FAM193A: variants seen among roughly 807,000 people sequenced by gnomAD.
FAM193A encodes family with sequence similarity 193 member A.
A neutral mutation model predicts 126.5 loss-of-function variants in FAM193A; 22 were observed. The observed-to-expected ratio is 0.17, with a 90% CI of 0.12 to 0.25. The LOEUF (loss-of-function observed/expected upper bound fraction) is 0.25, where lower values mean the gene tolerates loss of function less well. Among genes scored for constraint, FAM193A ranks in the 10% least tolerant of loss-of-function variants. The pLI, the probability that FAM193A is intolerant of heterozygous loss-of-function variation, is 1.00. For synonymous variants in FAM193A, 761 were observed against 646.8 expected (o/e 1.18, Z -2.68); for missense variants, 1,675 against 1,672.8 (o/e 1.00, Z -0.02).
At chr4:2,693,907 A>G (rs1252372172) in intron 16 of FAM193A, 33 bp downstream of exon 16, 2 of 1,593,184 alleles carry the variant, frequency 1.3e-6, no homozygotes, top group East Asian at 2.2e-5. Context: ...ACGTGGGAGC[A>G]CTTTGGAAAA....
intron 13 of FAM193A, among the ~76,000 whole-genome samples, chr4:2,687,940 C>T (rs1334999033): frequency 6.6e-6 from 1 of 152,216 alleles, no homozygotes; most frequent in Non-Finnish European, 1.5e-5. Flanking sequence ...TTCCTGTCCT[C>T]CCTCTGCCCC....
chr4:2,588,088 C>G (rs1332581638), intron 1 of FAM193A, among the ~76,000 whole-genome samples: 1 of 152,212 alleles, frequency 6.6e-6, no homozygotes, highest in Non-Finnish European at 1.5e-5. Context: ...ACACCACCCT[C>G]AGCAGTCTGT....
chr4:2,659,768 T>G (rs1192296824), intron 9 of FAM193A, 44 bp from the exon 10 acceptor site: 16 of 1,614,082 alleles, frequency 9.9e-6, no homozygotes, highest in African/African-American at 1.3e-5. Flanking sequence ...TGGTCTAGTC[T>G]TGTGCATTGG....
In FAM193A at chr4:2,725,961, C is replaced by T. The variant is rs1221365504; in HGVS notation, c.4455-5814C>T. The stretch of plus-strand genomic sequence containing the variant: ...GCGCCCAGGCTGGAGTGCAGTGGCG[C>T]GATTTCGGCTCACTGCAAGCTCCGC... On this transcript the variant is annotated intron_variant, in intron 20 of 20. Coordinates refer to ENST00000637812, the MANE Select transcript of FAM193A (RefSeq NM_001366318.2). Among the ~76,000 whole-genome samples, 6 of 151,996 alleles carry T rather than the reference C, an allele frequency of 3.9e-5. No individual in the cohort carries two copies. The East Asian group carries it at 5.8e-4, about 15-fold the overall frequency.
At chr4:2,656,148 TG>T (rs1276074183) in intron 7 of FAM193A, among the ~76,000 whole-genome samples, 2 of 152,166 alleles carry the variant, frequency 1.3e-5, no homozygotes, top group Non-Finnish European at 2.9e-5. Context: ...AGGTCTTACT[TG>T]TTTTGTATAA....
At chr4:2,654,984 G>A (rs1560527319) in intron 7 of FAM193A, 4 of 559,488 alleles carry the variant, frequency 7.1e-6, no homozygotes, top group East Asian at 2.9e-5. Flanking sequence ...AGGAAATCAC[G>A]GTATCTTCTA....
At chr4:2,549,489 C>T (rs1186524897) in intron 1 of FAM193A, among the ~76,000 whole-genome samples, 6 of 141,466 alleles carry the variant, frequency 4.2e-5, no homozygotes, top group East Asian at 4.1e-4. Context: ...CTCCGCCTCC[C>T]GGGTTCACGC....
At chr4:2,569,610 G>C (rs374258147) in intron 1 of FAM193A, among the ~76,000 whole-genome samples, 18 of 152,082 alleles carry the variant, frequency 1.2e-4, no homozygotes, top group Non-Finnish European at 2.1e-4. Context: ...CTATCCTCCT[G>C]CCTCTGCCTC....
chr4:2,660,092 A>T, intron 10 of FAM193A, 38 bp downstream of exon 10: 1 of 1,602,526 alleles, frequency 6.2e-7, no homozygotes, highest in Non-Finnish European at 8.5e-7. Context: ...CCGAAATTTA[A>T]GTCGCCCCAG....
intron 6 of FAM193A, among the ~76,000 whole-genome samples, chr4:2,641,854 G>A (rs1230054790): frequency 1.3e-5 from 2 of 151,002 alleles, no homozygotes; most frequent in African/African-American, 2.4e-5. Context: ...CTCTAGCCCC[G>A]GCTACTTGGG....
chr4:2,635,477 ATT>A (rs1743998109), intron 5 of FAM193A, among the ~76,000 whole-genome samples: 1 of 152,248 alleles, frequency 6.6e-6, no homozygotes, highest in South Asian at 2.1e-4. Context: ...TTTAACATAT[ATT>A]AGAGAATGTA....
At chr4:2,711,803 T>C (rs1035898138) in intron 19 of FAM193A, among the ~76,000 whole-genome samples, 2 of 152,070 alleles carry the variant, frequency 1.3e-5, no homozygotes, top group Non-Finnish European at 2.9e-5. Flanking sequence ...GGCACGTGCC[T>C]GTAGTCCCAG....
Position 2,716,009 on chromosome 4 carries a change from CTT to C in FAM193A, c.4373-11_4373-10del. ...TGCTGTAATTTGACTTGCTGCTTCT[CTT>C]TTGTTTTACAGATGATGTCTTTCTA... On this transcript the variant is annotated splice_polypyrimidine_tract_variant and intron_variant, in intron 19 of 20. Transcript: ENST00000637812. 1 of 1,503,334 alleles carries C rather than the reference CTT, an allele frequency of 6.7e-7. No individual in the cohort carries two copies. Among genetic ancestry groups the C allele is most frequent in the Non-Finnish European group, 9.3e-7 (1 of 1,078,830 alleles). The allele number at this position is 1,503,334 out of a possible 1,614,324, so 93.1% of individuals were successfully genotyped here.
chr4:2,565,016 C>G (rs1738851060), intron 1 of FAM193A, among the ~76,000 whole-genome samples: 1 of 151,998 alleles, frequency 6.6e-6, no homozygotes, highest in Non-Finnish European at 1.5e-5. Flanking sequence ...CCAGGCTGGT[C>G]TTGAACTCCT....
chr4:2,693,141 C>T (rs1716597242), intron 15 of FAM193A, among the ~76,000 whole-genome samples: 1 of 152,112 alleles, frequency 6.6e-6, no homozygotes, highest in Non-Finnish European at 1.5e-5. Context: ...GCATCAGCCT[C>T]CCGCGTAGCT....
chr4:2,574,607 C>T lies in FAM193A; in HGVS notation c.256-21477C>T, dbSNP rs181279560. Among the ~76,000 whole-genome samples the T allele has an allele frequency of 1.8e-3, 267 of 152,208 alleles. 1 individual carries two copies. Among genetic ancestry groups the T allele is most frequent in the African/African-American group, 5.8e-3 (240 of 41,538 alleles). On this transcript the variant is annotated intron_variant, in intron 1 of 20. Transcript: ENST00000637812. ...GTGGAAAGTGACTGAGAAGGGAGCCCTGAGGATCTCTAATGCTCAGAAGCA... is the reference window on the plus strand; with the variant it reads ...GTGGAAAGTGACTGAGAAGGGAGCCTTGAGGATCTCTAATGCTCAGAAGCA...
intron 7 of FAM193A, among the ~76,000 whole-genome samples, chr4:2,647,535 G>C (rs1290777123): frequency 6.6e-6 from 1 of 152,186 alleles, no homozygotes; most frequent in Non-Finnish European, 1.5e-5. Flanking sequence ...CTAGAAGGGA[G>C]TGCAGACACA....
At chr4:2,609,810 T>G (rs1741753071) in intron 2 of FAM193A, among the ~76,000 whole-genome samples, 1 of 151,848 alleles carries the variant, frequency 6.6e-6, no homozygotes, top group African/African-American at 2.4e-5. Flanking sequence ...GCATCTGTAG[T>G]CCCAGCTACT....
intron 1 of FAM193A, among the ~76,000 whole-genome samples, chr4:2,564,963 T>C (rs969032615): frequency 2.6e-5 from 4 of 152,050 alleles, no homozygotes; most frequent in Non-Finnish European, 5.9e-5. Context: ...CATGCCTGGT[T>C]AATTAAAAAG....
Sources: gnomAD v4.1 joint callset for allele counts (sites outside exome capture counted in the v4.1 genomes callset) on GRCh38, gnomAD v4.1.1 for gene constraint, MANE v1.5 for transcripts, NCBI Gene and HGNC (gene_info 2026-07-23, HGNC 2026-07-21) for gene names.